Variants in POLA2 observed in about 807,000 individuals in gnomAD.
The protein encoded by POLA2 is DNA polymerase alpha subunit B.
POLA2 carries 47 observed loss-of-function variants against 82.8 expected under a neutral mutation model. The ratio of observed to expected loss-of-function variants is 0.57; its 90% CI spans 0.45 to 0.72. The LOEUF is 0.72. Ranked by LOEUF, POLA2 falls within the 30% of genes least tolerant of loss-of-function variation. The pLI is 0.00. For synonymous variants in POLA2, 287 were observed against 286.8 expected (o/e 1.00, Z -0.01); for missense variants, 634 against 728.1 (o/e 0.87, Z 1.49).
chr11:65,266,151 G>T (rs549078434), intron 1 of POLA2, among the ~76,000 whole-genome samples: 1 of 152,182 alleles, frequency 6.6e-6, no homozygotes, highest in East Asian at 1.9e-4. Context: ...TAATAGGGAC[G>T]CCACTCTTCC....
exon 9 of POLA2, chr11:65,305,479 A>T (rs888799969): frequency 2.3e-6 from 1 of 441,386 alleles, no homozygotes; most frequent in Non-Finnish European, 4.5e-6. Context: ...TACCTGGCAC[A>T]GTCTCCAAGA....
intron 15 of POLA2, 67 bp downstream of exon 15, chr11:65,294,719 A>C: frequency 9.3e-7 from 1 of 1,075,222 alleles, no homozygotes; most frequent in Admixed American, 2.0e-5. Context: ...TTCTGCAGCC[A>C]AGAAAATCAA....
At chr11:65,268,616 A>T in intron 3 of POLA2, 56 bp from the exon 4 acceptor site, 1 of 1,127,662 alleles carries the variant, frequency 8.9e-7, no homozygotes. Context: ...TGCTGGGATT[A>T]CAGGCATGAG....
At chr11:65,265,281 C>A (rs976148559) in intron 1 of POLA2, among the ~76,000 whole-genome samples, 2 of 151,782 alleles carry the variant, frequency 1.3e-5, no homozygotes, top group Admixed American at 1.3e-4. Flanking sequence ...TCCTTAAATC[C>A]ATTTCAGTAA....
At chr11:65,281,826 C>T in intron 9 of POLA2, 94 bp downstream of exon 9, 1 of 1,006,750 alleles carries the variant, frequency 9.9e-7, no homozygotes, top group Non-Finnish European at 1.6e-6. Context: ...TTTTAGGAGC[C>T]CATTTATTTG....
chr11:65,283,189 A>C (rs1401177064), intron 10 of POLA2, among the ~76,000 whole-genome samples: 5 of 152,214 alleles, frequency 3.3e-5, no homozygotes, highest in Non-Finnish European at 1.5e-5. Context: ...CCTGGATTGG[A>C]TCCTTGAAGA....
At chr11:65,296,307 T>A in intron 17 of POLA2, 1 of 254,466 alleles carries the variant, frequency 3.9e-6, no homozygotes, top group Non-Finnish European at 7.9e-6. Flanking sequence ...TATGTACACT[T>A]GCCTGTCCTC....
intron 4 of POLA2, among the ~76,000 whole-genome samples, chr11:65,271,728 A>T (rs2137511437): frequency 6.6e-6 from 1 of 151,562 alleles, no homozygotes; most frequent in East Asian, 2.0e-4. Flanking sequence ...AATCCCAGCC[A>T]CTCAGGAGGC....
At chr11:65,264,320 C>T (rs950060599) in intron 1 of POLA2, among the ~76,000 whole-genome samples, 3 of 152,116 alleles carry the variant, frequency 2.0e-5, no homozygotes, top group Non-Finnish European at 4.4e-5. Flanking sequence ...CCTCCCACCT[C>T]GGCCTCCCAA....
At chr11:65,290,679 C>G (rs1241421561) in intron 13 of POLA2, among the ~76,000 whole-genome samples, 1 of 152,202 alleles carries the variant, frequency 6.6e-6, no homozygotes, top group African/African-American at 2.4e-5. Flanking sequence ...TGCATCGGCT[C>G]TCACTCTTTG....
chr11:65,265,985 A>C (rs1949456056), intron 1 of POLA2, among the ~76,000 whole-genome samples: 1 of 152,076 alleles, frequency 6.6e-6, no homozygotes, highest in African/African-American at 2.4e-5. Context: ...ACCTCCGCCC[A>C]CAACCCTTGC....
chr11:65,271,828 G>C (rs1374651967), intron 4 of POLA2, among the ~76,000 whole-genome samples: 1 of 129,478 alleles, frequency 7.7e-6, no homozygotes, highest in African/African-American at 3.0e-5. Context: ...GACAGAACCA[G>C]ACTCCGTCTG....
At chr11:65,291,127 G>A (rs982977486) in intron 13 of POLA2, among the ~76,000 whole-genome samples, 2 of 152,192 alleles carry the variant, frequency 1.3e-5, no homozygotes, top group Non-Finnish European at 2.9e-5. Context: ...CTTTTCCCCA[G>A]TGCCAGGGTT....
intron 5 of POLA2, 85 bp downstream of exon 5, chr11:65,276,083 T>C: frequency 1.4e-6 from 1 of 690,184 alleles, no homozygotes; most frequent in Non-Finnish European, 2.4e-6. Flanking sequence ...AACAGCAGAG[T>C]TATTAATTAA....
At chr11:65,266,445 C>G (rs1949461030) in intron 1 of POLA2, 137 bp from the exon 2 acceptor site, 6 of 832,748 alleles carry the variant, frequency 7.2e-6, no homozygotes, top group Non-Finnish European at 1.1e-5. Flanking sequence ...TCTGTTTTCT[C>G]ATTGCCCAAA....
At chr11:65,279,842 G>C (rs1949621712) in intron 7 of POLA2, 1 of 521,756 alleles carries the variant, frequency 1.9e-6, no homozygotes, top group African/African-American at 2.0e-5. Flanking sequence ...ACTTGGATTA[G>C]AGTCTTGCAC....
intron 1 of POLA2, 71 bp from the exon 2 acceptor site, chr11:65,266,511 A>G: frequency 6.6e-7 from 1 of 1,514,772 alleles, no homozygotes; most frequent in Non-Finnish European, 9.1e-7. Context: ...AACCAGGATT[A>G]TTTTTGCTTT....
At chr11:65,282,713 G>C (rs1488252158) in intron 10 of POLA2, among the ~76,000 whole-genome samples, 192 bp downstream of exon 10, 2 of 152,198 alleles carry the variant, frequency 1.3e-5, no homozygotes, top group Non-Finnish European at 2.9e-5. Flanking sequence ...AGTGAGCGTT[G>C]GTCGTGCTGT....
intron 1 of POLA2, 101 bp from the exon 2 acceptor site, chr11:65,266,481 G>T: frequency 7.9e-7 from 1 of 1,261,396 alleles, no homozygotes; most frequent in Non-Finnish European, 1.1e-6. Flanking sequence ...AATAGATTCT[G>T]AATAAACATT....
Sources: allele counts gnomAD v4.1 joint callset (sites outside exome capture counted in the v4.1 genomes callset), GRCh38; gene constraint gnomAD v4.1.1; transcripts MANE v1.5; gene names NCBI Gene and HGNC (gene_info 2026-07-23, HGNC 2026-07-21).